WWOX: variants seen among roughly 807,000 people sequenced by gnomAD.
The protein encoded by WWOX is WW domain containing oxidoreductase.
WWOX carries 69 observed loss-of-function variants against 46.2 expected under a neutral mutation model. The observed-to-expected ratio is 1.49, with a 90% CI of 1.23 to 1.82. WWOX has a LOEUF of 1.82. Among genes scored for constraint, WWOX ranks in the 40% most tolerant of loss-of-function variants. WWOX has a pLI of 0.00. For synonymous variants in WWOX, 359 were observed against 202.6 expected (o/e 1.77, Z -6.56); for missense variants, 919 against 542.6 (o/e 1.69, Z -6.89).
At chr16:78,983,996 G>A (rs752031899) in intron 8 of WWOX, among the ~76,000 whole-genome samples, 24 of 145,266 alleles carry the variant, frequency 1.7e-4, no homozygotes, top group Non-Finnish European at 3.4e-4. Context: ...TCCTGCCTCA[G>A]CCTCCCGAGT....
At chr16:78,585,874 CTCTT>C (rs1381586362) in intron 8 of WWOX, among the ~76,000 whole-genome samples, 1 of 151,898 alleles carries the variant, frequency 6.6e-6, no homozygotes, top group African/African-American at 2.4e-5. Context: ...GTCTTGTTCT[CTCTT>C]CCAAGCTGCG....
chr16:78,794,342 C>G (rs1046694143), intron 8 of WWOX, among the ~76,000 whole-genome samples: 1 of 152,136 alleles, frequency 6.6e-6, no homozygotes, highest in Non-Finnish European at 1.5e-5. Flanking sequence ...AGGAGTCTCT[C>G]TCGGTCTGTT....
intron 5 of WWOX, among the ~76,000 whole-genome samples, chr16:78,218,967 A>G (rs2151796150): frequency 6.6e-6 from 1 of 152,362 alleles, no homozygotes; most frequent in Admixed American, 6.5e-5. Context: ...CTTATCACTT[A>G]AATTGGTGAA....
rs2045467806 is a variant in WWOX, at chr16:78,925,069, C to T, written c.1057-286539C>T. ...AGTTAGCCAGGCATGGTGGTGTGTG[C>T]CTGTAGTCCCAGTTACTGGGGAGGC... On this transcript the variant is annotated intron_variant, in intron 8 of 8. Coordinates refer to ENST00000566780, the MANE Select transcript of WWOX (RefSeq NM_016373.4). 2.0e-5 allele frequency among the ~76,000 whole-genome samples: 3 copies of T among 152,140 alleles called. No homozygotes were observed. The South Asian group carries it at 6.2e-4, about 32-fold the overall frequency.
At chr16:78,184,081 A>G (rs2035618605) in intron 5 of WWOX, among the ~76,000 whole-genome samples, 2 of 152,218 alleles carry the variant, frequency 1.3e-5, no homozygotes, top group Admixed American at 1.3e-4. Flanking sequence ...CATGCTTGGC[A>G]CAGACCTCGG....
chr16:78,359,912 T>C lies in WWOX; in HGVS notation c.517-26948T>C, dbSNP rs563220671. ...TGAATTTTGTGACTTGGAAGATTGT[T>C]AGTTTTCTGTGGAGGGAACAACACT... is the stretch of plus-strand genomic sequence containing the variant. On this transcript the variant is annotated intron_variant, in intron 5 of 8. Transcript: ENST00000566780. 1.1e-4 allele frequency among the ~76,000 whole-genome samples: 17 copies of C among 152,350 alleles called. No individual in the cohort carries two copies. The South Asian group carries it at 2.9e-3, about 26-fold the overall frequency.
At chr16:78,517,048 A>G (rs976591374) in intron 8 of WWOX, among the ~76,000 whole-genome samples, 18 of 152,144 alleles carry the variant, frequency 1.2e-4, no homozygotes, top group Non-Finnish European at 2.6e-4. Flanking sequence ...TGCTTTATAT[A>G]GTTTTTAAAG....
At chr16:78,995,461 G>A (rs1277488437) in intron 8 of WWOX, among the ~76,000 whole-genome samples, 1 of 152,074 alleles carries the variant, frequency 6.6e-6, no homozygotes, top group Middle Eastern at 3.2e-3. Context: ...TTTCTTCACA[G>A]TGCCGATTGG....
chr16:78,732,720 G>A (rs543829313), intron 8 of WWOX, among the ~76,000 whole-genome samples: 1 of 151,910 alleles, frequency 6.6e-6, no homozygotes, highest in Non-Finnish European at 1.5e-5. Flanking sequence ...CAACTCCCTT[G>A]GTTAATTTAA....
chr16:79,124,990 G>A (rs548448300), intron 8 of WWOX, among the ~76,000 whole-genome samples: 1 of 151,212 alleles, frequency 6.6e-6, no homozygotes, highest in Admixed American at 6.6e-5. Flanking sequence ...ATTCATTTCT[G>A]TTACACAGCT....
chr16:78,826,383 C>G (rs566074608), intron 8 of WWOX, among the ~76,000 whole-genome samples: 3 of 152,198 alleles, frequency 2.0e-5, no homozygotes, highest in African/African-American at 7.2e-5. Context: ...TCTCACAGTT[C>G]TGGAGGCCAG....
chr16:78,858,747 C>G (rs1597730126), intron 8 of WWOX, among the ~76,000 whole-genome samples: 1 of 151,830 alleles, frequency 6.6e-6, no homozygotes, highest in African/African-American at 2.4e-5. Context: ...GGCACAATCA[C>G]AGCTCACTGC....
At chr16:78,933,955 G>A (rs1446805330) in intron 8 of WWOX, among the ~76,000 whole-genome samples, 1 of 152,076 alleles carries the variant, frequency 6.6e-6, no homozygotes, top group African/African-American at 2.4e-5. Flanking sequence ...GCTTTGGGAG[G>A]CCAAGGTGGG....
At chr16:78,417,451 C>G (rs571291069) in intron 6 of WWOX, among the ~76,000 whole-genome samples, 24 of 152,016 alleles carry the variant, frequency 1.6e-4, no homozygotes, top group Admixed American at 8.5e-4. Context: ...TAATATATGT[C>G]ACGTAGGGTT....
intron 8 of WWOX, among the ~76,000 whole-genome samples, chr16:79,125,440 C>T (rs1439700998): frequency 6.6e-6 from 1 of 152,194 alleles, no homozygotes; most frequent in Non-Finnish European, 1.5e-5. Flanking sequence ...TGAAGCCTGA[C>T]ATTGTAACAG....
At chr16:78,982,941 T>G (rs1335624228) in intron 8 of WWOX, among the ~76,000 whole-genome samples, 3 of 152,204 alleles carry the variant, frequency 2.0e-5, no homozygotes, top group East Asian at 1.9e-4. Context: ...CTGAGCAGAT[T>G]GCATATAAAA....
chr16:78,861,525 T>G (rs9934393), intron 8 of WWOX, among the ~76,000 whole-genome samples: 48 of 152,128 alleles, frequency 3.2e-4, no homozygotes, highest in Non-Finnish European at 4.0e-4. Flanking sequence ...CCAAAGTAAA[T>G]GCAAGACATT....
chr16:78,563,517 G>A (rs1378027052), intron 8 of WWOX, among the ~76,000 whole-genome samples: 5 of 90,986 alleles, frequency 5.5e-5, no homozygotes, highest in Non-Finnish European at 8.6e-5. Flanking sequence ...ACACACACAC[G>A]CTTTTTTTTT....
At chr16:79,146,397 C>T (rs917133480) in intron 8 of WWOX, among the ~76,000 whole-genome samples, 8 of 152,132 alleles carry the variant, frequency 5.3e-5, no homozygotes, top group African/African-American at 1.9e-4. Flanking sequence ...TCCTCCAGAA[C>T]TGGCTTATAT....
Sources: allele counts gnomAD v4.1 joint callset (sites outside exome capture counted in the v4.1 genomes callset), GRCh38; gene constraint gnomAD v4.1.1; transcripts MANE v1.5; gene names NCBI Gene and HGNC (gene_info 2026-07-23, HGNC 2026-07-21).